Variants in CCSER1 observed in about 807,000 individuals in gnomAD.
CCSER1 encodes serine-rich coiled-coil domain-containing protein 1.
A neutral mutation model predicts 82.0 loss-of-function variants in CCSER1; 41 were observed. The ratio of observed to expected loss-of-function variants is 0.50; its 90% confidence interval spans 0.39 to 0.65. The LOEUF is 0.65. Among genes scored for constraint, CCSER1 ranks in the 30% least tolerant of loss-of-function variants. The pLI, the probability that CCSER1 is intolerant of heterozygous loss-of-function variation, is 0.00. For missense variants in CCSER1, 1,119 were observed against 1,064.2 expected, an observed-to-expected ratio of 1.05 and a Z score of -0.72; for synonymous variants, 414 against 383.9, an observed-to-expected ratio of 1.08 and a Z score of -0.92.
chr4:91,002,688 G>A (rs1738144393), intron 9 of CCSER1, among the ~76,000 whole-genome samples: 1 of 151,768 alleles, frequency 6.6e-6, no homozygotes, highest in African/African-American at 2.4e-5. Context: ...ATTGGGCTTT[G>A]CCTTTCTCTG....
At chr4:90,605,280 A>C (rs975371417) in intron 5 of CCSER1, among the ~76,000 whole-genome samples, 1 of 152,230 alleles carries the variant, frequency 6.6e-6, no homozygotes, top group Non-Finnish European at 1.5e-5. Flanking sequence ...CAGACCAAGA[A>C]ACCACCAATT....
intron 1 of CCSER1, among the ~76,000 whole-genome samples, chr4:90,291,824 T>C (rs978330542): frequency 5.1e-4 from 77 of 152,126 alleles, no homozygotes; most frequent in African/African-American, 1.8e-3. Context: ...TAATTATTGG[T>C]ATAATATTTA....
intron 10 of CCSER1, among the ~76,000 whole-genome samples, chr4:91,490,059 A>T (rs188697766): frequency 1.3e-4 from 20 of 152,318 alleles, no homozygotes; most frequent in South Asian, 2.1e-4. Flanking sequence ...CACCCCAGTT[A>T]AAATGGCTTA....
intron 10 of CCSER1, among the ~76,000 whole-genome samples, chr4:91,572,723 A>C (rs1167527464): frequency 6.6e-6 from 1 of 151,810 alleles, no homozygotes; most frequent in South Asian, 2.1e-4. Flanking sequence ...GCATCTTGGG[A>C]GGCCAAGGTG....
intron 9 of CCSER1, among the ~76,000 whole-genome samples, chr4:91,062,454 A>T (rs1473815555): frequency 6.6e-6 from 1 of 152,052 alleles, no homozygotes; most frequent in Admixed American, 6.6e-5. Flanking sequence ...CATTTCAGAC[A>T]ATGGCTTCTC....
chr4:91,523,504 T>C (rs1206429544), intron 10 of CCSER1, among the ~76,000 whole-genome samples: 1 of 152,198 alleles, frequency 6.6e-6, no homozygotes, highest in East Asian at 1.9e-4. Flanking sequence ...CATCTGGTTC[T>C]GGACTTCTTT....
At chr4:91,463,254 G>T (rs941820809) in intron 10 of CCSER1, among the ~76,000 whole-genome samples, 1 of 152,232 alleles carries the variant, frequency 6.6e-6, no homozygotes, top group Non-Finnish European at 1.5e-5. Flanking sequence ...ACAGGGTCTG[G>T]AGTGGACCTC....
intron 10 of CCSER1, among the ~76,000 whole-genome samples, chr4:91,222,866 C>T (rs1216648508): frequency 6.6e-6 from 1 of 152,082 alleles, no homozygotes; most frequent in East Asian, 1.9e-4. Context: ...TAAATAGCCA[C>T]ATGTGGCTGG....
intron 10 of CCSER1, among the ~76,000 whole-genome samples, chr4:91,362,874 C>T (rs1017773726): frequency 6.6e-6 from 1 of 151,704 alleles, no homozygotes; most frequent in East Asian, 1.9e-4. Context: ...TCTGCTCTAC[C>T]TCTTACTATT....
At chr4:91,527,890 T>G (rs1235711582) in intron 10 of CCSER1, among the ~76,000 whole-genome samples, 1 of 152,144 alleles carries the variant, frequency 6.6e-6, no homozygotes, top group African/African-American at 2.4e-5. Flanking sequence ...AGAAGCAGCT[T>G]ATTTTACAAG....
chr4:91,490,447 A>G (rs1758455232), intron 10 of CCSER1, among the ~76,000 whole-genome samples: 1 of 152,092 alleles, frequency 6.6e-6, no homozygotes, highest in African/African-American at 2.4e-5. Context: ...GTAGCAACAT[A>G]GATGGGACTG....
chr4:90,862,937 C>A (rs933391517), intron 8 of CCSER1, among the ~76,000 whole-genome samples: 4 of 109,790 alleles, frequency 3.6e-5, no homozygotes, highest in East Asian at 5.4e-4. Flanking sequence ...GAAACAATTT[C>A]TTTTTATTAT....
At chr4:91,402,476 A>G (rs558641261) in intron 10 of CCSER1, among the ~76,000 whole-genome samples, 158 of 152,260 alleles carry the variant, frequency 1.0e-3, no homozygotes, top group African/African-American at 3.4e-3. Flanking sequence ...GCCCATGCCT[A>G]TGTCCTGAAT....
At chr4:91,061,289 AAAAG>A (rs930253258) in intron 9 of CCSER1, among the ~76,000 whole-genome samples, 2 of 151,986 alleles carry the variant, frequency 1.3e-5, no homozygotes, top group South Asian at 2.1e-4. Context: ...ATTAAAAAAA[AAAAG>A]AACTGAAACT....
intron 4 of CCSER1, among the ~76,000 whole-genome samples, chr4:90,464,566 G>A (rs1763367331): frequency 6.6e-6 from 1 of 152,208 alleles, no homozygotes; most frequent in African/African-American, 2.4e-5. Context: ...AGTGACAGAA[G>A]CCTAAGACGG....
rs1192021492 is a variant in CCSER1 at position 90,503,713 on chromosome 4, T to C, written c.1724+35359T>C. Among the ~76,000 whole-genome samples, 8 of 152,202 alleles carry C rather than the reference T, an allele frequency of 5.3e-5. 1 individual carries two copies. The highest frequency in any genetic ancestry group is 1.2e-4 in the Non-Finnish European group (8 of 68,034). On this transcript the variant is annotated intron_variant, in intron 5 of 10. Transcript: ENST00000509176. ...TTGCTGAGAAGGATGGTTTCCAGCT[T>C]CATCCATGTCCCTACAAAGGACATG...
At chr4:91,399,130 A>C (rs1752168352) in intron 10 of CCSER1, among the ~76,000 whole-genome samples, 1 of 151,912 alleles carries the variant, frequency 6.6e-6, no homozygotes, top group South Asian at 2.1e-4. Flanking sequence ...GACCATGAAC[A>C]ATAAGAGCAT....
At chr4:90,603,321 C>T (rs570749878) in intron 5 of CCSER1, among the ~76,000 whole-genome samples, 1 of 152,292 alleles carries the variant, frequency 6.6e-6, no homozygotes, top group South Asian at 2.1e-4. Context: ...GTTTAATTAT[C>T]AGGAGGATGC....
chr4:91,297,342 G>A (rs1310234403), intron 10 of CCSER1, among the ~76,000 whole-genome samples: 1 of 150,122 alleles, frequency 6.7e-6, no homozygotes, highest in Admixed American at 6.7e-5. Context: ...AGAATGTTCT[G>A]CTCACCTGAG....
Sources: gnomAD v4.1 joint callset for allele counts (sites outside exome capture counted in the v4.1 genomes callset) on GRCh38, gnomAD v4.1.1 for gene constraint, MANE v1.5 for transcripts, NCBI Gene and HGNC (gene_info 2026-07-23, HGNC 2026-07-21) for gene names.